The following EEIG2 variants were observed in gnomAD, a reference collection of about 807,000 sequenced individuals.
EEIG2 encodes EEIG family member 2.
At chr1:108,575,812 G>A in the EEIG2 span, among the ~76,000 whole-genome samples, 2 of 152,192 alleles carry the variant, frequency 1.3e-5, no homozygotes, top group African/African-American at 2.4e-5. Context: ...CTGAGGGATT[G>A]GAGAGAAATG....
At chr1:108,635,803 G>T in the EEIG2 span, 2 of 152,236 alleles carry the variant, frequency 1.3e-5, no homozygotes, top group African/African-American at 4.8e-5. Flanking sequence ...ATGCCGTTAT[G>T]CAGTATATAT....
the EEIG2 span, among the ~76,000 whole-genome samples, chr1:108,567,078 C>T: frequency 1.3e-5 from 2 of 152,012 alleles, no homozygotes; most frequent in Admixed American, 1.3e-4. Flanking sequence ...ACAATATATA[C>T]ACATATCAAA....
chr1:108,617,654 T>C, the EEIG2 span, among the ~76,000 whole-genome samples: 1 of 151,528 alleles, frequency 6.6e-6, no homozygotes, highest in African/African-American at 2.4e-5. Flanking sequence ...AGGGAACGAG[T>C]AGAGATGGAA....
At chr1:108,614,831 A>G in the EEIG2 span, among the ~76,000 whole-genome samples, 1 of 152,170 alleles carries the variant, frequency 6.6e-6, no homozygotes, top group Non-Finnish European at 1.5e-5. Context: ...TTCTTCAACT[A>G]CTGTCCCACA....
the EEIG2 span, among the ~76,000 whole-genome samples, chr1:108,623,248 T>C: frequency 6.6e-6 from 1 of 150,610 alleles, no homozygotes; most frequent in South Asian, 2.1e-4. Flanking sequence ...CTGAGGCAGA[T>C]GGATTGCTTG....
chr1:108,612,138 AC>A, the EEIG2 span: 1 of 1,396,858 alleles, frequency 7.2e-7, no homozygotes, highest in Non-Finnish European at 1.0e-6. Context: ...ATAGAAGCCT[AC>A]TAGATAGTCT....
the EEIG2 span, among the ~76,000 whole-genome samples, chr1:108,591,457 A>G: frequency 6.6e-6 from 1 of 152,232 alleles, no homozygotes; most frequent in Non-Finnish European, 1.5e-5. Flanking sequence ...TTTCTACTTC[A>G]GTTCCTATTA....
At chr1:108,573,607 A>G in the EEIG2 span, among the ~76,000 whole-genome samples, 1 of 152,356 alleles carries the variant, frequency 6.6e-6, no homozygotes, top group Admixed American at 6.5e-5. Flanking sequence ...GAATGGGAGA[A>G]AATATTTGCA....
the EEIG2 span, among the ~76,000 whole-genome samples, chr1:108,621,284 A>T: frequency 6.6e-6 from 1 of 152,254 alleles, no homozygotes; most frequent in Non-Finnish European, 1.5e-5. Context: ...GCACATGGCA[A>T]GCACTCAGTG....
chr1:108,623,996 C>A, the EEIG2 span, among the ~76,000 whole-genome samples: 9 of 152,018 alleles, frequency 5.9e-5, no homozygotes, highest in East Asian at 9.7e-4. Context: ...AAAAAAAAAA[C>A]TGTTAGAAAT....
chr1:108,634,227 G>C, the EEIG2 span, among the ~76,000 whole-genome samples: 1 of 152,188 alleles, frequency 6.6e-6, no homozygotes, highest in African/African-American at 2.4e-5. Context: ...CTGATTTTCT[G>C]TAGGATGAAT....
At chr1:108,621,941 GAGGCCAGGAATTCAAGAC>G in the EEIG2 span, among the ~76,000 whole-genome samples, 3 of 152,256 alleles carry the variant, frequency 2.0e-5, no homozygotes, top group Admixed American at 2.0e-4. Flanking sequence ...TGGATCACCT[GAGGCCAGGAATTCAAGAC>G]CAGCCTGGCC....
the EEIG2 span, among the ~76,000 whole-genome samples, chr1:108,605,755 A>T: frequency 2.6e-5 from 4 of 152,182 alleles, no homozygotes; most frequent in Admixed American, 6.5e-5. Context: ...CACATTAGGT[A>T]AGAGGGTTTG....
the EEIG2 span, chr1:108,627,170 G>C: frequency 1.3e-5 from 2 of 152,312 alleles, no homozygotes; most frequent in Non-Finnish European, 1.5e-5. Context: ...CAGAAGTAAA[G>C]AGCGCTGCAT....
At chr1:108,578,477 A>G in the EEIG2 span, among the ~76,000 whole-genome samples, 4 of 109,406 alleles carry the variant, frequency 3.7e-5, no homozygotes, top group East Asian at 1.0e-3. Flanking sequence ...ACGTCCCATC[A>G]ATACCTAATT....
the EEIG2 span, among the ~76,000 whole-genome samples, chr1:108,608,383 A>G: frequency 6.6e-6 from 1 of 152,190 alleles, no homozygotes; most frequent in Non-Finnish European, 1.5e-5. Context: ...CTATTAAACT[A>G]TAAGAGTAGG....
At chr1:108,633,850 G>C in the EEIG2 span, among the ~76,000 whole-genome samples, 2 of 152,024 alleles carry the variant, frequency 1.3e-5, no homozygotes, top group African/African-American at 4.8e-5. Context: ...ACAAATTCTA[G>C]TCCCTAGCCC....
At chr1:108,630,590 A>C in the EEIG2 span, among the ~76,000 whole-genome samples, 3 of 152,252 alleles carry the variant, frequency 2.0e-5, no homozygotes, top group East Asian at 5.8e-4. Flanking sequence ...AAAAAAGAAA[A>C]GTTCTGAAAA....
At chr1:108,637,062 G>C in the EEIG2 span, 7 of 152,178 alleles carry the variant, frequency 4.6e-5, no homozygotes, top group African/African-American at 1.7e-4. Flanking sequence ...TCAGGGTGAT[G>C]CCCATCTTAC....
Sources: allele counts gnomAD v4.1 joint callset (sites outside exome capture counted in the v4.1 genomes callset), GRCh38; gene constraint gnomAD v4.1.1; transcripts MANE v1.5; gene names NCBI Gene and HGNC (gene_info 2026-07-23, HGNC 2026-07-21).